EPYC: variants seen among roughly 807,000 people sequenced by gnomAD.
EPYC encodes dermatan sulfate proteoglycan 3.
In EPYC, 28 loss-of-function variants were observed where a neutral mutation model predicts 30.1. The observed-to-expected ratio is 0.93, with a 90% confidence interval of 0.69 to 1.28. EPYC has a LOEUF of 1.28. EPYC is among the 50% of genes most tolerant of loss of function. The pLI is 0.00. For synonymous variants in EPYC, 144 were observed against 141.4 expected, an observed-to-expected ratio of 1.02 and a Z score of -0.13; for missense variants, 382 against 383.5, an observed-to-expected ratio of 1.00 and a Z score of 0.03.
Position 90,971,949 on chromosome 12 carries a change from C to A in EPYC, c.553G>T (p.Asp185Tyr), listed in dbSNP as rs146839750. Residue 185 changes from aspartate to tyrosine, a missense_variant, in exon 5 of 7, where the codon GAT becomes TAT. By Grantham distance (160) the Asp-to-Tyr change is radical (BLOSUM62 -3). Transcript: ENST00000261172. ...TSNLISEIDEDAFRKLPQLRE... is the reference protein window; with the variant it reads ...TSNLISEIDEYAFRKLPQLRE... Reference sequence around the variant, plus strand: ...AGTTGAGGCAGTTTTCGGAATGCATCTTCATCAATCTCAGATATTAAATTT... The same window carrying A: ...AGTTGAGGCAGTTTTCGGAATGCATATTCATCAATCTCAGATATTAAATTT... 1 of 1,609,100 alleles carries A rather than the reference C, an allele frequency of 6.2e-7. No homozygotes were observed. The highest frequency in any genetic ancestry group is 8.5e-7 in the Non-Finnish European group (1 of 1,177,640).
chr12:90,990,982 T>C (rs181967212), intron 2 of EPYC, among the ~76,000 whole-genome samples: 33 of 152,264 alleles, frequency 2.2e-4, no homozygotes, highest in African/African-American at 7.9e-4. Flanking sequence ...TATTTTATCT[T>C]AAATGGCCTA....
chr12:90,985,571 TTG>T (rs936774263), intron 2 of EPYC, among the ~76,000 whole-genome samples: 2 of 152,018 alleles, frequency 1.3e-5, no homozygotes, highest in Non-Finnish European at 1.5e-5. Context: ...CAAACAAACC[TTG>T]GTGGTTCAGA....
intron 3 of EPYC, 105 bp from the exon 4 acceptor site, chr12:90,973,085 T>C (rs1877095825): frequency 8.3e-6 from 5 of 600,988 alleles, no homozygotes; most frequent in Non-Finnish European, 1.3e-5. Flanking sequence ...ACTAACCAAG[T>C]AGATTTTATA....
At chr12:90,989,271 T>C (rs1877525985) in intron 2 of EPYC, among the ~76,000 whole-genome samples, 1 of 152,088 alleles carries the variant, frequency 6.6e-6, no homozygotes, top group African/African-American at 2.4e-5. Context: ...TCTTAGATCT[T>C]ATTTGTTGTA....
intron 3 of EPYC, among the ~76,000 whole-genome samples, chr12:90,976,122 A>G (rs959038004): frequency 9.9e-5 from 15 of 152,144 alleles, no homozygotes; most frequent in Non-Finnish European, 1.8e-4. Flanking sequence ...TTACTTATTG[A>G]AGAACAGTTA....
At chr12:90,966,919 A>G (rs147684557) in intron 6 of EPYC, among the ~76,000 whole-genome samples, 68 of 152,176 alleles carry the variant, frequency 4.5e-4, no homozygotes, top group African/African-American at 1.5e-3. Context: ...TACAGTTGTT[A>G]TAGTAATCCT....
At chr12:90,990,422 A>G (rs995006890) in intron 2 of EPYC, among the ~76,000 whole-genome samples, 5 of 152,148 alleles carry the variant, frequency 3.3e-5, no homozygotes, top group Non-Finnish European at 7.4e-5. Flanking sequence ...AGGACCAGGT[A>G]ATCGCCAATT....
At chr12:90,986,465 T>C (rs1410015384) in intron 2 of EPYC, among the ~76,000 whole-genome samples, 3 of 152,106 alleles carry the variant, frequency 2.0e-5, no homozygotes, top group Non-Finnish European at 4.4e-5. Context: ...CTATATCCAA[T>C]TGTATCCAAC....
At chr12:90,968,496 G>T (rs942275105) in intron 6 of EPYC, among the ~76,000 whole-genome samples, 1 of 152,200 alleles carries the variant, frequency 6.6e-6, no homozygotes, top group South Asian at 2.1e-4. Flanking sequence ...AATAAAAAAG[G>T]GGATTTATTT....
At chr12:91,000,439 T>C (rs1877796209) in intron 2 of EPYC, among the ~76,000 whole-genome samples, 1 of 152,126 alleles carries the variant, frequency 6.6e-6, no homozygotes, top group Non-Finnish European at 1.5e-5. Flanking sequence ...AATTTCTTGA[T>C]GTCATGAAAA....
chr12:91,002,611 TA>T (rs1165891902), intron 1 of EPYC, 33 bp from the exon 2 acceptor site: 1 of 1,479,898 alleles, frequency 6.8e-7, no homozygotes, highest in Non-Finnish European at 9.2e-7. Flanking sequence ...CATAAATATT[TA>T]ATTGATAACT....
At chr12:90,990,916 T>C (rs1215527169) in intron 2 of EPYC, among the ~76,000 whole-genome samples, 1 of 152,206 alleles carries the variant, frequency 6.6e-6, no homozygotes, top group Non-Finnish European at 1.5e-5. Flanking sequence ...TCCTCTTCAA[T>C]GTCCATTCTA....
At chr12:90,993,701 T>G (rs895197957) in intron 2 of EPYC, among the ~76,000 whole-genome samples, 18 of 151,474 alleles carry the variant, frequency 1.2e-4, no homozygotes, top group Admixed American at 2.6e-4. Flanking sequence ...GTAATATATA[T>G]AAGATATGAT....
At chr12:90,985,095 C>A (rs1206122892) in intron 2 of EPYC, among the ~76,000 whole-genome samples, 2 of 152,082 alleles carry the variant, frequency 1.3e-5, no homozygotes, top group Non-Finnish European at 2.9e-5. Context: ...TGGAAAGGGA[C>A]AAATTCCTTA....
At chr12:91,003,875 G>A (rs760869909) in intron 1 of EPYC, among the ~76,000 whole-genome samples, 4 of 152,098 alleles carry the variant, frequency 2.6e-5, no homozygotes, top group African/African-American at 4.8e-5. Flanking sequence ...CCTTTATGAA[G>A]CAGGTTTAGG....
At chr12:90,982,501 C>T (rs967677073) in intron 2 of EPYC, among the ~76,000 whole-genome samples, 39 of 152,086 alleles carry the variant, frequency 2.6e-4, no homozygotes, top group African/African-American at 8.2e-4. Context: ...CAGGCAATCA[C>T]TTACCAACTT....
intron 3 of EPYC, among the ~76,000 whole-genome samples, chr12:90,974,086 AC>A (rs1324919677): frequency 7.4e-6 from 1 of 134,922 alleles, no homozygotes; most frequent in East Asian, 2.2e-4. Flanking sequence ...CTACCTCTCC[AC>A]CCCTTCTTCA....
At chr12:90,966,299 G>A (rs1876893542) in intron 6 of EPYC, among the ~76,000 whole-genome samples, 1 of 151,936 alleles carries the variant, frequency 6.6e-6, no homozygotes, top group African/African-American at 2.4e-5. Flanking sequence ...TTATTGGATT[G>A]AAGAAGTTCC....
In EPYC at chr12:90,993,591, G is replaced by A. The variant is rs539305200; in HGVS notation, c.165+8810C>T. ...AATACAAAATGGTTTCAATTTTGATGTATCTATCTGACTCCTGGCTTTGTA... is the reference window on the plus strand; with the variant it reads ...AATACAAAATGGTTTCAATTTTGATATATCTATCTGACTCCTGGCTTTGTA... On this transcript the variant is annotated intron_variant, in intron 2 of 6. Coordinates refer to ENST00000261172, the MANE Select transcript of EPYC (RefSeq NM_004950.5). Among the ~76,000 whole-genome samples the A allele has an allele frequency of 2.6e-5, 4 of 152,018 alleles. No individual in the cohort carries two copies. The South Asian group carries it at 8.3e-4, about 32-fold the overall frequency.
Sources: allele counts gnomAD v4.1 joint callset (sites outside exome capture counted in the v4.1 genomes callset), GRCh38; gene constraint gnomAD v4.1.1; transcripts MANE v1.5; gene names NCBI Gene and HGNC (gene_info 2026-07-23, HGNC 2026-07-21).